The following CNTN5 variants were observed in gnomAD, a reference collection of about 807,000 sequenced individuals.
CNTN5 encodes contactin-5.
CNTN5 carries 77 observed loss-of-function variants against 129.1 expected under a neutral mutation model. The observed-to-expected ratio is 0.60, with a 90% CI of 0.50 to 0.72. The LOEUF (loss-of-function observed/expected upper bound fraction) is 0.72, where lower values mean the gene tolerates loss of function less well. Among genes scored for constraint, CNTN5 ranks in the 30% least tolerant of loss-of-function variants. The probability of loss-of-function intolerance (pLI) is 0.00; values close to 1 mark genes in which losing one functional copy is unlikely to be tolerated. For synonymous variants in CNTN5, 509 were observed against 465.6 expected, an observed-to-expected ratio of 1.09 and a Z score of -1.20; for missense variants, 1,478 against 1,328.8, an observed-to-expected ratio of 1.11 and a Z score of -1.75.
At chr11:99,506,816 T>G (rs1565240551) in intron 2 of CNTN5, among the ~76,000 whole-genome samples, 1 of 152,196 alleles carries the variant, frequency 6.6e-6, no homozygotes, top group Non-Finnish European at 1.5e-5. Context: ...CTACATTATT[T>G]GTTATAGTAA....
chr11:100,054,239 T>C (rs1331026091), intron 9 of CNTN5, among the ~76,000 whole-genome samples: 2 of 151,718 alleles, frequency 1.3e-5, no homozygotes, highest in African/African-American at 4.8e-5. Context: ...ACTCAAAGCA[T>C]GGGTTAAGAG....
chr11:99,217,168 A>G (rs779660195), intron 1 of CNTN5, among the ~76,000 whole-genome samples: 12 of 152,220 alleles, frequency 7.9e-5, no homozygotes, highest in Non-Finnish European at 1.3e-4. Context: ...CAACAAAGCA[A>G]GACTCCATCT....
chr11:100,242,118 A>T (rs1173552498), intron 16 of CNTN5, among the ~76,000 whole-genome samples: 1 of 152,112 alleles, frequency 6.6e-6, no homozygotes. Flanking sequence ...GGCACTTGCT[A>T]ATCTTTCTGA....
At chr11:99,243,734 TTA>T (rs1347098033) in intron 1 of CNTN5, among the ~76,000 whole-genome samples, 2 of 132,458 alleles carry the variant, frequency 1.5e-5, no homozygotes, top group African/African-American at 5.5e-5. Context: ...TCCCTATTGC[TTA>T]TTTTTTTTTT....
At chr11:99,932,115 C>G (rs1157317662) in intron 7 of CNTN5, among the ~76,000 whole-genome samples, 1 of 152,010 alleles carries the variant, frequency 6.6e-6, no homozygotes, top group East Asian at 1.9e-4. Flanking sequence ...AGCTTCCTTG[C>G]CTTTGATCAT....
At chr11:99,200,562 G>T (rs1286599901) in intron 1 of CNTN5, among the ~76,000 whole-genome samples, 1 of 152,190 alleles carries the variant, frequency 6.6e-6, no homozygotes, top group African/African-American at 2.4e-5. Context: ...CGCATATGCA[G>T]CCTGTTGGCA....
intron 3 of CNTN5, among the ~76,000 whole-genome samples, chr11:99,676,286 G>A (rs2135960686): frequency 6.6e-6 from 1 of 152,212 alleles, no homozygotes; most frequent in South Asian, 2.1e-4. Context: ...GCTAGTTATT[G>A]TTAATTACAT....
intron 13 of CNTN5, among the ~76,000 whole-genome samples, chr11:100,133,916 A>G (rs564251851): frequency 1.6e-4 from 24 of 152,206 alleles, no homozygotes; most frequent in African/African-American, 5.8e-4. Context: ...GATTTTGATT[A>G]TTTTTTAATG....
chr11:99,186,508 C>T (rs184763448), intron 1 of CNTN5, among the ~76,000 whole-genome samples: 78 of 152,062 alleles, frequency 5.1e-4, no homozygotes, highest in African/African-American at 1.7e-3. Flanking sequence ...TTGCCTGCAG[C>T]ATCTAGATTT....
chr11:99,593,167 C>T (rs1950028547), intron 3 of CNTN5, among the ~76,000 whole-genome samples: 1 of 152,100 alleles, frequency 6.6e-6, no homozygotes. Flanking sequence ...TGTTTTCTCT[C>T]CTTCATTATA....
At position 99,660,495 on chromosome 11, in the gene CNTN5, C is replaced by T. The variant is rs372712781; in HGVS notation, c.55+104226C>T. On this transcript the variant is annotated intron_variant, in intron 3 of 24. Transcript: ENST00000524871. Reference sequence around the variant, plus strand: ...GTGCAGTTTTATTATATGCCATTTACACCTCAATAAACCTGTTATAAAACT... The same window carrying T: ...GTGCAGTTTTATTATATGCCATTTATACCTCAATAAACCTGTTATAAAACT... Among the ~76,000 whole-genome samples, 11 of 152,162 alleles carry T rather than the reference C, an allele frequency of 7.2e-5. 1 individual carries two copies. In the South Asian group the frequency reaches 1.2e-3, roughly 17 times the overall value.
chr11:99,689,523 C>CGG (rs1953945639), intron 3 of CNTN5, among the ~76,000 whole-genome samples: 1 of 4,052 alleles, frequency 2.5e-4, no homozygotes, highest in Non-Finnish European at 5.6e-4. Context: ...TGAGACTCCT[C>CGG]AAAAAAGAAA....
chr11:100,207,723 C>T (rs1167985751), intron 15 of CNTN5, among the ~76,000 whole-genome samples: 7 of 152,018 alleles, frequency 4.6e-5, no homozygotes, highest in Non-Finnish European at 1.0e-4. Context: ...TATGGCTTTC[C>T]CCAAAATAAG....
At chr11:99,682,305 G>A (rs1249956166) in intron 3 of CNTN5, among the ~76,000 whole-genome samples, 2 of 147,666 alleles carry the variant, frequency 1.4e-5, no homozygotes, top group Non-Finnish European at 1.5e-5. Flanking sequence ...AATGAAAAGA[G>A]AAGAGAGATA....
At chr11:99,673,372 A>T (rs527945827) in intron 3 of CNTN5, among the ~76,000 whole-genome samples, 1 of 152,342 alleles carries the variant, frequency 6.6e-6, no homozygotes, top group Admixed American at 6.5e-5. Context: ...AAGAATGATT[A>T]TACAGAGTCA....
intron 3 of CNTN5, among the ~76,000 whole-genome samples, 197 bp from the exon 4 acceptor site, chr11:99,819,347 A>G: frequency 4.2e-4 from 1 of 2,398 alleles, no homozygotes; most frequent in African/African-American, 1.4e-3. Flanking sequence ...CCTTTCCTTA[A>G]TATTATAGCT....
chr11:100,279,736 CTT>C (rs1950592476), intron 18 of CNTN5, among the ~76,000 whole-genome samples: 1 of 151,198 alleles, frequency 6.6e-6, no homozygotes, highest in African/African-American at 2.4e-5. Flanking sequence ...TTCATTTTAA[CTT>C]TAAAAAAACC....
At chr11:99,056,465 A>G (rs1864629024) in intron 1 of CNTN5, among the ~76,000 whole-genome samples, 1 of 152,046 alleles carries the variant, frequency 6.6e-6, no homozygotes, top group South Asian at 2.1e-4. Flanking sequence ...ACATATCAAT[A>G]GAACAGTTTG....
intron 3 of CNTN5, among the ~76,000 whole-genome samples, chr11:99,777,668 A>G (rs1370056970): frequency 6.6e-6 from 1 of 151,860 alleles, no homozygotes; most frequent in Non-Finnish European, 1.5e-5. Flanking sequence ...ATATTTCTAA[A>G]TTGAAAGCTT....
Sources: gnomAD v4.1 joint callset for allele counts (sites outside exome capture counted in the v4.1 genomes callset) on GRCh38, gnomAD v4.1.1 for gene constraint, MANE v1.5 for transcripts, NCBI Gene and HGNC (gene_info 2026-07-23, HGNC 2026-07-21) for gene names.